CCDC91: variants seen among roughly 807,000 people sequenced by gnomAD.
The protein encoded by CCDC91 is coiled-coil domain-containing protein 91.
In CCDC91, 48 loss-of-function variants were observed where a neutral mutation model predicts 63.2. The ratio of observed to expected loss-of-function variants is 0.76; its 90% CI spans 0.60 to 0.97. The LOEUF (loss-of-function observed/expected upper bound fraction) is 0.97, where lower values mean the gene tolerates loss of function less well. Ranked by LOEUF, CCDC91 falls within the 50% of genes least tolerant of loss-of-function variation. The pLI is 0.00. For synonymous variants in CCDC91, 167 were observed against 165.8 expected, an observed-to-expected ratio of 1.01 and a Z score of -0.06; for missense variants, 500 against 494.6, an observed-to-expected ratio of 1.01 and a Z score of -0.10.
At chr12:28,403,826 ATTCTT>A (rs1241139025) in intron 8 of CCDC91, among the ~76,000 whole-genome samples, 1 of 152,114 alleles carries the variant, frequency 6.6e-6, no homozygotes, top group African/African-American at 2.4e-5. Context: ...TGTCCGTAGT[ATTCTT>A]TTATTTTTCT....
chr12:28,363,443 T>C (rs114923133), intron 7 of CCDC91, among the ~76,000 whole-genome samples: 2,328 of 152,274 alleles, frequency 0.015, 51 homozygotes, highest in African/African-American at 0.054. Context: ...AGGCATTTTG[T>C]TTTTCATTGT....
intron 11 of CCDC91, among the ~76,000 whole-genome samples, chr12:28,454,628 C>A (rs901520170): frequency 6.6e-6 from 1 of 152,078 alleles, no homozygotes; most frequent in African/African-American, 2.4e-5. Flanking sequence ...CTCACAGGCC[C>A]CCAGGCATCA....
intron 8 of CCDC91, among the ~76,000 whole-genome samples, chr12:28,399,210 A>G (rs1350903122): frequency 1.3e-5 from 2 of 152,178 alleles, no homozygotes; most frequent in African/African-American, 4.8e-5. Context: ...GAAACTTACA[A>G]TCATAGCAGA....
intron 10 of CCDC91, 78 bp downstream of exon 10, chr12:28,450,496 C>G: frequency 9.8e-7 from 1 of 1,015,946 alleles, no homozygotes; most frequent in Non-Finnish European, 1.5e-6. Flanking sequence ...TATTCTCAAT[C>G]TTTTATAAAA....
intron 7 of CCDC91, among the ~76,000 whole-genome samples, chr12:28,387,738 A>T (rs1945691965): frequency 6.6e-6 from 1 of 152,192 alleles, no homozygotes; most frequent in Non-Finnish European, 1.5e-5. Flanking sequence ...TTTATGGCTG[A>T]GTACTATTCC....
chr12:28,465,059 T>C (rs1201741868), intron 11 of CCDC91, among the ~76,000 whole-genome samples: 1 of 152,118 alleles, frequency 6.6e-6, no homozygotes, highest in Non-Finnish European at 1.5e-5. Context: ...TGACATTACT[T>C]TCTGTAGGTC....
At chr12:28,341,023 C>T (rs1942378948) in intron 6 of CCDC91, among the ~76,000 whole-genome samples, 1 of 152,084 alleles carries the variant, frequency 6.6e-6, no homozygotes, top group Non-Finnish European at 1.5e-5. Context: ...TTGGGTTGCT[C>T]AGTGATGCGG....
intron 1 of CCDC91, among the ~76,000 whole-genome samples, chr12:28,234,190 C>T (rs1350856045): frequency 6.6e-6 from 1 of 152,082 alleles, no homozygotes; most frequent in Non-Finnish European, 1.5e-5. Context: ...ATGATATGTA[C>T]ATGCTTTATA....
chr12:28,398,601 A>T (rs1946430033), intron 8 of CCDC91, among the ~76,000 whole-genome samples: 1 of 152,148 alleles, frequency 6.6e-6, no homozygotes, highest in African/African-American at 2.4e-5. Context: ...AATTTTTTCC[A>T]AAGTTTTATT....
chr12:28,324,678 AAATAAT>A (rs143575022), intron 6 of CCDC91, among the ~76,000 whole-genome samples: 1 of 151,548 alleles, frequency 6.6e-6, no homozygotes, highest in South Asian at 2.1e-4. Flanking sequence ...CTTACTTGTA[AAATAAT>A]AATAATAATA....
chr12:28,465,392 A>G (rs1412763664), intron 11 of CCDC91, among the ~76,000 whole-genome samples: 2 of 152,180 alleles, frequency 1.3e-5, no homozygotes, highest in South Asian at 2.1e-4. Flanking sequence ...GCCTTGGGTG[A>G]GACTTAATGC....
intron 3 of CCDC91, among the ~76,000 whole-genome samples, chr12:28,289,685 CTTTTTTTTTTTTT>C (rs75555723): frequency 3.0e-5 from 3 of 98,540 alleles, no homozygotes; most frequent in Non-Finnish European, 5.4e-5. Context: ...CTTTTCTTTT[CTTTTTTTTTTTTT>C]TTTTTTTTTT....
At chr12:28,221,387 A>G (rs1943936564) in intron 1 of CCDC91, among the ~76,000 whole-genome samples, 1 of 151,524 alleles carries the variant, frequency 6.6e-6, no homozygotes, top group African/African-American at 2.4e-5. Flanking sequence ...CTATCAAGTG[A>G]TTTTTCTCCT....
intron 1 of CCDC91, among the ~76,000 whole-genome samples, chr12:28,241,728 G>A (rs1267634625): frequency 1.3e-5 from 2 of 151,976 alleles, no homozygotes; most frequent in Non-Finnish European, 2.9e-5. Context: ...GGGGCGTGGT[G>A]GCTCACACCT....
At chr12:28,329,236 G>A (rs1941284769) in intron 6 of CCDC91, among the ~76,000 whole-genome samples, 1 of 152,066 alleles carries the variant, frequency 6.6e-6, no homozygotes, top group Admixed American at 6.6e-5. Context: ...CTAAAGCAAG[G>A]TGTTTGGGTT....
chr12:28,530,406 C>T (rs902688648), intron 12 of CCDC91, among the ~76,000 whole-genome samples: 4 of 152,252 alleles, frequency 2.6e-5, no homozygotes, highest in Non-Finnish European at 4.4e-5. Context: ...ATGATTCTAG[C>T]TCCTAGCCTT....
intron 1 of CCDC91, among the ~76,000 whole-genome samples, chr12:28,196,147 C>A (rs1385570598): frequency 7.1e-6 from 1 of 141,070 alleles, no homozygotes; most frequent in Non-Finnish European, 1.6e-5. Flanking sequence ...TTTATTTGGT[C>A]TTTGATTTCT....
chr12:28,372,509 T>A (rs929704464), intron 7 of CCDC91, among the ~76,000 whole-genome samples: 10 of 150,140 alleles, frequency 6.7e-5, no homozygotes, highest in African/African-American at 1.0e-4. Context: ...TTTTTTAAAA[T>A]TTTTTAGCAG....
At chr12:28,245,091 A>G (rs554884922) in intron 1 of CCDC91, among the ~76,000 whole-genome samples, 6 of 152,252 alleles carry the variant, frequency 3.9e-5, no homozygotes, top group African/African-American at 1.4e-4. Context: ...TGTTATCAGT[A>G]GTCCTTTTAG....
Sources: allele counts gnomAD v4.1 joint callset (sites outside exome capture counted in the v4.1 genomes callset), GRCh38; gene constraint gnomAD v4.1.1; transcripts MANE v1.5; gene names NCBI Gene and HGNC (gene_info 2026-07-23, HGNC 2026-07-21).